The following DPP4 variants were observed in gnomAD, a reference collection of about 807,000 sequenced individuals.
DPP4 encodes dipeptidyl peptidase 4, also known as ADCP-2.
In DPP4, 93 loss-of-function variants were observed where a neutral mutation model predicts 122.4. The observed-to-expected ratio is 0.76, with a 90% CI of 0.64 to 0.90. DPP4 has a LOEUF of 0.90. Among genes scored for constraint, DPP4 ranks in the 40% least tolerant of loss-of-function variants. The pLI is 0.00. For synonymous variants in DPP4, 321 were observed against 302.9 expected (o/e 1.06, Z -0.62); for missense variants, 914 against 907.3 (o/e 1.01, Z -0.09).
intron 2 of DPP4, among the ~76,000 whole-genome samples, chr2:162,060,899 TCCTC>T (rs1193713741): frequency 8.7e-5 from 13 of 149,632 alleles, no homozygotes; most frequent in East Asian, 7.9e-4. Flanking sequence ...CCTTCCTTCC[TCCTC>T]CCTCCCTCCC....
chr2:161,995,100 G>A lies in DPP4; in HGVS notation c.2126-66C>T, dbSNP rs548097975. On this transcript the variant is annotated intron_variant, in intron 24 of 25. Coordinates refer to ENST00000360534, the MANE Select transcript of DPP4 (RefSeq NM_001935.4). ...CTCCAGTTTTCTGGTACCAAGGGGT[G>A]GGAAAGGCACAAGAAGAAAGGGACT... 5.8e-6 allele frequency: 9 copies of A among 1,548,620 alleles called. No homozygotes were observed. In the South Asian group the frequency reaches 7.8e-5, roughly 13 times the overall value.
chr2:162,049,551 C>T (rs929408978), intron 2 of DPP4, among the ~76,000 whole-genome samples: 10 of 151,974 alleles, frequency 6.6e-5, no homozygotes, highest in Admixed American at 4.6e-4. Flanking sequence ...AATACCAAGG[C>T]GATGGGTTGA....
intron 2 of DPP4, among the ~76,000 whole-genome samples, chr2:162,059,391 C>A (rs751496429): frequency 1.3e-5 from 2 of 152,140 alleles, no homozygotes; most frequent in Admixed American, 6.5e-5. Context: ...GCCGTGAAAT[C>A]CGAGGTGATG....
intron 8 of DPP4, among the ~76,000 whole-genome samples, chr2:162,037,892 A>C (rs1453351126): frequency 6.6e-6 from 1 of 152,156 alleles, no homozygotes; most frequent in Admixed American, 6.5e-5. Context: ...TGTACTCTCC[A>C]ACCTGTATAT....
intron 17 of DPP4, 101 bp downstream of exon 17, chr2:162,017,007 A>G (rs1682949206): frequency 2.1e-6 from 3 of 1,448,706 alleles, no homozygotes; most frequent in Non-Finnish European, 2.8e-6. Flanking sequence ...ACTCATTGTC[A>G]AGACACAAAG....
chr2:162,058,269 CT>C (rs1305809666), intron 2 of DPP4, among the ~76,000 whole-genome samples: 1 of 152,184 alleles, frequency 6.6e-6, no homozygotes, highest in East Asian at 1.9e-4. Context: ...GTAACTTCTG[CT>C]TTTTCCTGTA....
chr2:162,012,556 G>T, intron 19 of DPP4, among the ~76,000 whole-genome samples: 1 of 152,050 alleles, frequency 6.6e-6, no homozygotes, highest in East Asian at 1.9e-4. Flanking sequence ...GAAGAAACAG[G>T]TTGCATTGGA....
rs150619694 is a variant in DPP4 at position 162,020,618 on chromosome 2, C to A, written c.1139G>T (p.Gly380Val). 10 of 1,612,104 alleles carry A rather than the reference C, an allele frequency of 6.2e-6. No individual in the cohort carries two copies. In the African/African-American group the frequency reaches 9.4e-5, roughly 15 times the overall value. Reference sequence around the variant, plus strand: ...TTGGAAATAGCAAATGTGTCTGTAACCTTCTTCATTGCTGATGATCTTGTA... The same window carrying A: ...TTGGAAATAGCAAATGTGTCTGTAAACTTCTTCATTGCTGATGATCTTGTA... ...SFYKIISNEE[G>V]YRHICYFQID... Residue 380 changes from glycine to valine, a missense_variant, in exon 13 of 26, where the codon GGT becomes GTT. Transcript: ENST00000360534.
rs1240967801 is a variant in DPP4 at position 162,008,638 on chromosome 2, T to TG, written c.1910dup (p.Met638AsnfsTer26). On this transcript the variant is annotated frameshift_variant, in exon 22 of 26. Transcript: ENST00000360534. LOFTEE classifies it high-confidence loss of function. ...CGCCACTTCCCGATCCCAGGACCAT[T>TG]GAGGTTACGTACCCTCCATATGACT... The TG allele has an allele frequency of 6.2e-7, 1 of 1,613,638 alleles. No individual in the cohort carries two copies. Among genetic ancestry groups the TG allele is most frequent in the Non-Finnish European group, 8.5e-7 (1 of 1,179,716 alleles).
chr2:162,063,635 T>G (rs1400645255), intron 2 of DPP4, among the ~76,000 whole-genome samples: 1 of 151,838 alleles, frequency 6.6e-6, no homozygotes, highest in African/African-American at 2.4e-5. Context: ...ACTCCCAATC[T>G]GCAACACAGA....
intron 2 of DPP4, among the ~76,000 whole-genome samples, chr2:162,064,019 A>T (rs1258057793): frequency 6.6e-6 from 1 of 152,170 alleles, no homozygotes; most frequent in Non-Finnish European, 1.5e-5. Flanking sequence ...CTGAGCATTC[A>T]TTCCTCTAAC....
rs775450106 is a variant in DPP4, at chr2:162,073,428, G to A, written c.65C>T (p.Thr22Ile). 4 of 1,614,004 alleles carry A rather than the reference G, an allele frequency of 2.5e-6. No homozygotes were observed. In the East Asian group the frequency reaches 6.7e-5, roughly 27 times the overall value. Residue 22 changes from threonine to isoleucine, a missense_variant, in exon 2 of 26, where the codon ACC becomes ATC. Transcript: ENST00000360534. ...TTTGTTCAGCAGAACCACGGGCACGGTGATGATGGTGACAAGCGCAGCAGC... is the reference window on the plus strand; with the variant it reads ...TTTGTTCAGCAGAACCACGGGCACGATGATGATGGTGACAAGCGCAGCAGC... ...LGAAALVTII[T>I]VPVVLLNKGT...
intron 23 of DPP4, among the ~76,000 whole-genome samples, chr2:162,000,964 C>T (rs1246944383): frequency 6.6e-6 from 1 of 152,194 alleles, no homozygotes; most frequent in African/African-American, 2.4e-5. Flanking sequence ...ATCGGACCTG[C>T]TTCACACATC....
At chr2:162,020,108 T>A in intron 14 of DPP4, 121 bp downstream of exon 14, 1 of 815,228 alleles carries the variant, frequency 1.2e-6, no homozygotes, top group Admixed American at 2.6e-5. Context: ...AGAAAAAAAG[T>A]ATTGAACACA....
At chr2:162,031,504 C>G (rs774068803) in intron 10 of DPP4, among the ~76,000 whole-genome samples, 3 of 152,214 alleles carry the variant, frequency 2.0e-5, no homozygotes, top group African/African-American at 7.2e-5. Context: ...ATCCTCCCTA[C>G]AGGCAGATAT....
chr2:162,002,112 G>T (rs1304364789), intron 23 of DPP4, among the ~76,000 whole-genome samples: 1 of 152,172 alleles, frequency 6.6e-6, no homozygotes. Context: ...GCTCTGTTTG[G>T]TTTGACACAG....
intron 19 of DPP4, among the ~76,000 whole-genome samples, chr2:162,012,319 A>C (rs1371895030): frequency 6.8e-6 from 1 of 147,340 alleles, no homozygotes; most frequent in Non-Finnish European, 1.5e-5. Context: ...TTGTGGTATA[A>C]AAAAAATGAT....
intron 2 of DPP4, among the ~76,000 whole-genome samples, chr2:162,055,588 A>C (rs1307106707): frequency 6.6e-6 from 1 of 151,854 alleles, no homozygotes; most frequent in African/African-American, 2.4e-5. Context: ...CCAGCTACGC[A>C]GGAAGCTGAG....
At chr2:162,054,879 A>T (rs1684512844) in intron 2 of DPP4, among the ~76,000 whole-genome samples, 1 of 152,190 alleles carries the variant, frequency 6.6e-6, no homozygotes, top group Non-Finnish European at 1.5e-5. Flanking sequence ...GGGGATTTTC[A>T]ATGATTAAAC....
Sources: allele counts gnomAD v4.1 joint callset (sites outside exome capture counted in the v4.1 genomes callset), GRCh38; gene constraint gnomAD v4.1.1; transcripts MANE v1.5; gene names NCBI Gene and HGNC (gene_info 2026-07-23, HGNC 2026-07-21).